The following CADM1 variants were observed in gnomAD, a reference collection of about 807,000 sequenced individuals.
The protein encoded by CADM1 is TSLC-1.
CADM1 carries 15 observed loss-of-function variants against 53.1 expected under a neutral mutation model. The observed-to-expected ratio is 0.28, with a 90% CI of 0.19 to 0.44. The LOEUF (loss-of-function observed/expected upper bound fraction) is 0.44, where lower values mean the gene tolerates loss of function less well. Ranked by LOEUF, CADM1 falls within the 20% of genes least tolerant of loss-of-function variation. The probability of loss-of-function intolerance (pLI) is 1.00; values close to 1 mark genes in which losing one functional copy is unlikely to be tolerated. For missense variants in CADM1, 434 were observed against 611.3 expected (o/e 0.71, Z 3.06); for synonymous variants, 281 against 243.0 (o/e 1.16, Z -1.45).
intron 11 of CADM1, among the ~76,000 whole-genome samples, chr11:115,177,634 G>A (rs1046053647): frequency 2.0e-5 from 3 of 151,852 alleles, no homozygotes; most frequent in East Asian, 1.9e-4. Context: ...GCTGCTGCTC[G>A]GATGCTGCCC....
chr11:115,428,372 T>G (rs1467548458), intron 1 of CADM1, among the ~76,000 whole-genome samples: 2 of 152,104 alleles, frequency 1.3e-5, no homozygotes, highest in Non-Finnish European at 2.9e-5. Context: ...TATAATGCCC[T>G]CAGGATAATT....
At position 115,171,778 on chromosome 11, in the gene CADM1, CAT is replaced by C. The variant is rs1938798579; in HGVS notation, c.*4694_*4695del. ...GAGGGAGAGGGGTGGGGAGACTAAA[CAT>C]ACTGCATGCCACGTGGCTTGGAATA... is the stretch of plus-strand genomic sequence containing the variant. On this transcript the variant is annotated 3_prime_UTR_variant, in exon 12 of 12. Coordinates refer to ENST00000331581, the MANE Select transcript of CADM1 (RefSeq NM_001301043.2). 1 of 152,212 alleles carries C rather than the reference CAT, an allele frequency of 6.6e-6. No individual in the cohort carries two copies. The highest frequency in any genetic ancestry group is 3.2e-3 in the Middle Eastern group (1 of 316). 9.4% of individuals were successfully genotyped at this position (152,212 alleles called of 1,614,324 possible).
At chr11:115,307,029 A>T (rs112679609) in intron 1 of CADM1, among the ~76,000 whole-genome samples, 249 of 152,080 alleles carry the variant, frequency 1.6e-3, no homozygotes, top group African/African-American at 5.2e-3. Flanking sequence ...TCAGAATGTC[A>T]AAGAGAGAGC....
intron 1 of CADM1, among the ~76,000 whole-genome samples, chr11:115,468,450 A>G (rs1948941443): frequency 6.6e-6 from 1 of 152,220 alleles, no homozygotes; most frequent in South Asian, 2.1e-4. Context: ...CATGAATAGG[A>G]TATTTGTTAA....
intron 1 of CADM1, among the ~76,000 whole-genome samples, chr11:115,403,346 G>C: frequency 6.6e-6 from 1 of 152,210 alleles, no homozygotes; most frequent in African/African-American, 2.4e-5. Flanking sequence ...TCAATGCAAT[G>C]TGTAATCCTG....
chr11:115,381,597 C>T (rs2135154556), intron 1 of CADM1, among the ~76,000 whole-genome samples: 1 of 152,222 alleles, frequency 6.6e-6, no homozygotes, highest in Admixed American at 6.5e-5. Flanking sequence ...GCCTCACTTT[C>T]CTTATGTATA....
chr11:115,368,715 T>A (rs1377266495), intron 1 of CADM1, among the ~76,000 whole-genome samples: 2 of 152,106 alleles, frequency 1.3e-5, no homozygotes, highest in African/African-American at 2.4e-5. Flanking sequence ...AAAACACTAC[T>A]ACAACAACCA....
chr11:115,376,677 C>G (rs903196274), intron 1 of CADM1, among the ~76,000 whole-genome samples: 1 of 152,172 alleles, frequency 6.6e-6, no homozygotes, highest in African/African-American at 2.4e-5. Flanking sequence ...TTGAGAGAAT[C>G]GTGTCACGTG....
At chr11:115,447,713 G>A (rs55984835) in intron 1 of CADM1, among the ~76,000 whole-genome samples, 18,157 of 152,090 alleles carry the variant, frequency 0.12, 1,440 homozygotes, top group Non-Finnish European at 0.17. Context: ...TAGCTTTGCT[G>A]GCACCCTCCT....
At chr11:115,410,375 C>T (rs1203281340) in intron 1 of CADM1, among the ~76,000 whole-genome samples, 1 of 152,204 alleles carries the variant, frequency 6.6e-6, no homozygotes, top group South Asian at 2.1e-4. Flanking sequence ...ACGTAACTTA[C>T]TTCTATTCCC....
At position 115,169,321 on chromosome 11, in the gene CADM1, T is replaced by G. The variant is rs540720353; in HGVS notation, c.*7153A>C. 2.0e-5 allele frequency: 5 copies of G among 249,842 alleles called. No homozygotes were observed. The highest frequency in any genetic ancestry group is 3.2e-5 in the Non-Finnish European group (4 of 125,950). 15.5% of individuals were successfully genotyped at this position (249,842 alleles called of 1,614,324 possible). On this transcript the variant is annotated 3_prime_UTR_variant, in exon 12 of 12. Coordinates refer to ENST00000331581, the MANE Select transcript of CADM1 (RefSeq NM_001301043.2). Reference sequence around the variant, plus strand: ...TAACGTGACTCAAGGCCCTTCTCGATGCATTGGTGTCTCTGCAAGGAAATC... The same window carrying G: ...TAACGTGACTCAAGGCCCTTCTCGAGGCATTGGTGTCTCTGCAAGGAAATC...
chr11:115,451,816 A>G (rs1420294802), intron 1 of CADM1, among the ~76,000 whole-genome samples: 2 of 152,174 alleles, frequency 1.3e-5, no homozygotes, highest in African/African-American at 4.8e-5. Context: ...AGGAGTCAAT[A>G]TGTATAAAAC....
chr11:115,434,651 G>C (rs942646749), intron 1 of CADM1, among the ~76,000 whole-genome samples: 2 of 152,078 alleles, frequency 1.3e-5, no homozygotes, highest in African/African-American at 4.8e-5. Context: ...TCAGGGTGTA[G>C]TAGGCATTCA....
At chr11:115,337,800 TC>T (rs1173287441) in intron 1 of CADM1, among the ~76,000 whole-genome samples, 1 of 152,130 alleles carries the variant, frequency 6.6e-6, no homozygotes, top group African/African-American at 2.4e-5. Context: ...TTATTAAAAA[TC>T]CATTTCTCAG....
intron 1 of CADM1, among the ~76,000 whole-genome samples, chr11:115,471,195 A>G (rs1421664578): frequency 1.3e-5 from 2 of 152,190 alleles, no homozygotes; most frequent in African/African-American, 4.8e-5. Context: ...GACAGACCAA[A>G]AATTTGTACC....
At chr11:115,421,021 G>A (rs1387966381) in intron 1 of CADM1, among the ~76,000 whole-genome samples, 1 of 152,096 alleles carries the variant, frequency 6.6e-6, no homozygotes, top group African/African-American at 2.4e-5. Flanking sequence ...GTTTTTTAAT[G>A]CCTTTTTCCT....
intron 3 of CADM1, among the ~76,000 whole-genome samples, chr11:115,237,460 T>C (rs1942050182): frequency 6.6e-6 from 1 of 152,216 alleles, no homozygotes; most frequent in East Asian, 1.9e-4. Flanking sequence ...TACAGCTGTG[T>C]TGAAGTAAAG....
At chr11:115,189,948 T>A (rs1294657998) in intron 10 of CADM1, among the ~76,000 whole-genome samples, 1 of 152,232 alleles carries the variant, frequency 6.6e-6, no homozygotes, top group Non-Finnish European at 1.5e-5. Context: ...CGAGTAGTAC[T>A]ATCTTATTCT....
chr11:115,210,028 G>A (rs1565299597), intron 7 of CADM1, among the ~76,000 whole-genome samples: 1 of 152,202 alleles, frequency 6.6e-6, no homozygotes, highest in Non-Finnish European at 1.5e-5. Flanking sequence ...TTTTACAGAT[G>A]GCAGGAAGGA....
Sources: allele counts gnomAD v4.1 joint callset (sites outside exome capture counted in the v4.1 genomes callset), GRCh38; gene constraint gnomAD v4.1.1; transcripts MANE v1.5; gene names NCBI Gene and HGNC (gene_info 2026-07-23, HGNC 2026-07-21).